TMTC1: variants seen among roughly 807,000 people sequenced by gnomAD.
TMTC1 encodes protein O-mannosyl-transferase TMTC1.
A neutral mutation model predicts 104.8 loss-of-function variants in TMTC1; 73 were observed. The observed-to-expected ratio is 0.70, with a 90% CI of 0.58 to 0.85. The LOEUF (loss-of-function observed/expected upper bound fraction) is 0.85, where lower values mean the gene tolerates loss of function less well. Ranked by LOEUF, TMTC1 falls within the 40% of genes least tolerant of loss-of-function variation. The pLI, the probability that TMTC1 is intolerant of heterozygous loss-of-function variation, is 0.00. For synonymous variants in TMTC1, 434 were observed against 428.7 expected (o/e 1.01, Z -0.15); for missense variants, 1,035 against 1,096.1 (o/e 0.94, Z 0.79).
intron 10 of TMTC1, among the ~76,000 whole-genome samples, chr12:29,552,823 T>C (rs1178057992): frequency 6.6e-6 from 1 of 152,222 alleles, no homozygotes; most frequent in Non-Finnish European, 1.5e-5. Flanking sequence ...AAAAGTTAAC[T>C]CAATGGAGAA....
intron 5 of TMTC1, among the ~76,000 whole-genome samples, chr12:29,638,816 C>A (rs144052074): frequency 5.2e-4 from 79 of 152,314 alleles, no homozygotes; most frequent in African/African-American, 1.9e-3. Context: ...GAACTCCTCC[C>A]GTTTCACCAC....
At chr12:29,649,095 C>G (rs1490142610) in intron 5 of TMTC1, among the ~76,000 whole-genome samples, 1 of 152,140 alleles carries the variant, frequency 6.6e-6, no homozygotes, top group African/African-American at 2.4e-5. Context: ...AACCCCACCA[C>G]TCTCCCCTTG....
At chr12:29,668,514 G>A (rs1940377770) in intron 5 of TMTC1, among the ~76,000 whole-genome samples, 1 of 139,140 alleles carries the variant, frequency 7.2e-6, no homozygotes, top group Non-Finnish European at 1.5e-5. Context: ...AGGCTGGAGT[G>A]CAGTGGCACG....
intron 5 of TMTC1, among the ~76,000 whole-genome samples, chr12:29,644,384 G>A (rs2136568383): frequency 6.6e-6 from 1 of 151,186 alleles, no homozygotes; most frequent in South Asian, 2.1e-4. Flanking sequence ...GAGGGGCGAG[G>A]GATAAAAGAC....
chr12:29,684,054 G>C lies in TMTC1; in HGVS notation c.939-50718C>G, dbSNP rs149470176. ...AGACAGGGTTTCGCCATTTTGGCCA[G>C]GCTGGCCTCAAACTCCTGAGTTCAA... On this transcript the variant is annotated intron_variant, in intron 5 of 17. Transcript: ENST00000539277. Among the ~76,000 whole-genome samples, 1,097 of 152,246 alleles carry C rather than the reference G, an allele frequency of 7.2e-3. 13 individuals are homozygous for C. The highest frequency in any genetic ancestry group is 0.025 in the African/African-American group (1,048 of 41,530).
intron 5 of TMTC1, among the ~76,000 whole-genome samples, chr12:29,725,055 C>A (rs1942348699): frequency 9.2e-6 from 1 of 108,850 alleles, no homozygotes; most frequent in Non-Finnish European, 1.7e-5. Flanking sequence ...GAGTCTCGCT[C>A]TGTTGCTCAG....
At chr12:29,606,705 T>C (rs1946707748) in intron 6 of TMTC1, among the ~76,000 whole-genome samples, 3 of 152,182 alleles carry the variant, frequency 2.0e-5, no homozygotes, top group African/African-American at 7.2e-5. Context: ...TCCATGTCCC[T>C]AGATACTGTT....
chr12:29,712,233 G>C (rs974853956), intron 5 of TMTC1, among the ~76,000 whole-genome samples: 1 of 152,136 alleles, frequency 6.6e-6, no homozygotes, highest in African/African-American at 2.4e-5. Context: ...GGTCGTATAT[G>C]TGTGCAAACC....
At chr12:29,589,797 C>T (rs1051576807) in intron 7 of TMTC1, among the ~76,000 whole-genome samples, 6 of 152,218 alleles carry the variant, frequency 3.9e-5, no homozygotes, top group Non-Finnish European at 1.5e-5. Flanking sequence ...TTTGATGGGC[C>T]TGTCCACAAT....
chr12:29,697,517 A>G (rs895507337), intron 5 of TMTC1, among the ~76,000 whole-genome samples: 3 of 152,230 alleles, frequency 2.0e-5, no homozygotes, highest in Non-Finnish European at 4.4e-5. Context: ...CAAAGGATGT[A>G]TGTGTGTGTA....
At chr12:29,551,456 G>A (rs1299836564) in intron 10 of TMTC1, among the ~76,000 whole-genome samples, 4 of 152,104 alleles carry the variant, frequency 2.6e-5, no homozygotes, top group Non-Finnish European at 5.9e-5. Context: ...AAATTCATCT[G>A]CTATATAGTT....
chr12:29,523,564 A>G (rs1396315969), intron 11 of TMTC1, among the ~76,000 whole-genome samples: 1 of 152,208 alleles, frequency 6.6e-6, no homozygotes, highest in Non-Finnish European at 1.5e-5. Flanking sequence ...TTTAGGCTAC[A>G]TTTAACAATG....
At chr12:29,644,224 G>A (rs1939164124) in intron 5 of TMTC1, among the ~76,000 whole-genome samples, 1 of 147,286 alleles carries the variant, frequency 6.8e-6, no homozygotes, top group African/African-American at 2.5e-5. Flanking sequence ...GACCTGGATG[G>A]GACTAGAGAC....
chr12:29,765,951 C>T (rs920841411), intron 2 of TMTC1, among the ~76,000 whole-genome samples: 1 of 152,186 alleles, frequency 6.6e-6, no homozygotes, highest in African/African-American at 2.4e-5. Context: ...ACAGTGCAAT[C>T]AAGTCCTCCT....
At position 29,510,548 on chromosome 12, in the gene TMTC1, G is replaced by A. The variant is rs571801284; in HGVS notation, c.2508+1495C>T. Among the ~76,000 whole-genome samples, 18 of 152,136 alleles carry A rather than the reference G, an allele frequency of 1.2e-4. No individual in the cohort carries two copies. In the East Asian group the frequency reaches 1.7e-3, roughly 15 times the overall value. On this transcript the variant is annotated intron_variant, in intron 17 of 17. Transcript: ENST00000539277. ...GGGCAATTTGGCTCTGAAAAATATC[G>A]TGCTTGAATTCACCACCTACCAGAT...
intron 6 of TMTC1, among the ~76,000 whole-genome samples, chr12:29,630,059 T>G (rs992884367): frequency 3.9e-5 from 6 of 152,202 alleles, no homozygotes; most frequent in Non-Finnish European, 7.3e-5. Flanking sequence ...AATCATATTT[T>G]AAAAAGCATA....
At chr12:29,709,687 G>T (rs1258728955) in intron 5 of TMTC1, among the ~76,000 whole-genome samples, 1 of 152,152 alleles carries the variant, frequency 6.6e-6, no homozygotes, top group Non-Finnish European at 1.5e-5. Flanking sequence ...GGAACAAGAT[G>T]CCAGATGGTA....
chr12:29,780,566 T>C (rs940483916), intron 1 of TMTC1, among the ~76,000 whole-genome samples: 2 of 152,220 alleles, frequency 1.3e-5, no homozygotes, highest in African/African-American at 2.4e-5. Flanking sequence ...ATCCTTGGGA[T>C]GGAATTGTTC....
intron 6 of TMTC1, chr12:29,614,030 T>G: frequency 4.5e-6 from 2 of 440,272 alleles, no homozygotes; most frequent in Non-Finnish European, 6.0e-6. Flanking sequence ...TTCACTCTCC[T>G]AGTGAAGATC....
Sources: gnomAD v4.1 joint callset for allele counts (sites outside exome capture counted in the v4.1 genomes callset) on GRCh38, gnomAD v4.1.1 for gene constraint, MANE v1.5 for transcripts, NCBI Gene and HGNC (gene_info 2026-07-23, HGNC 2026-07-21) for gene names.